GLI2: variants seen among roughly 807,000 people sequenced by gnomAD.
The protein encoded by GLI2 is transcription activator GLI2.
Under a neutral mutation model 78.9 loss-of-function variants are expected in GLI2, and 22 were observed. The ratio of observed to expected loss-of-function variants is 0.28; its 90% CI spans 0.20 to 0.40. The LOEUF (loss-of-function observed/expected upper bound fraction) is 0.40, where lower values mean the gene tolerates loss of function less well. GLI2 is among the 10% of genes least tolerant of loss of function. GLI2 has a pLI of 1.00. For missense variants in GLI2, 2,097 were observed against 2,213.2 expected (o/e 0.95, Z 1.05); for synonymous variants, 974 against 963.7 (o/e 1.01, Z -0.20).
chr2:120,916,868 C>T (rs540558231), intron 2 of GLI2, among the ~76,000 whole-genome samples: 2 of 152,318 alleles, frequency 1.3e-5, no homozygotes, highest in South Asian at 2.1e-4. Flanking sequence ...TGAACTACAT[C>T]GTATCCCTAG....
intron 1 of GLI2, among the ~76,000 whole-genome samples, chr2:120,794,880 C>G (rs1381255528): frequency 6.6e-6 from 1 of 152,092 alleles, no homozygotes; most frequent in Non-Finnish European, 1.5e-5. Flanking sequence ...TTTTTCTCTC[C>G]CCCATCTGCC....
chr2:120,814,098 A>G (rs1685385361), intron 2 of GLI2, among the ~76,000 whole-genome samples: 1 of 151,824 alleles, frequency 6.6e-6, no homozygotes, highest in Admixed American at 6.6e-5. Context: ...GCAGCTCTAA[A>G]CACCAATTGC....
rs143613799 is a variant in GLI2, at chr2:120,904,850, C to A, written c.149-22511C>A. Among the ~76,000 whole-genome samples the A allele has an allele frequency of 1.7e-3, 262 of 152,296 alleles. 3 individuals are homozygous for A. The highest frequency in any genetic ancestry group is 5.7e-3 in the African/African-American group (238 of 41,556). On this transcript the variant is annotated intron_variant, in intron 2 of 13. Transcript: ENST00000361492. Reference sequence around the variant, plus strand: ...TGGGGGTGGATGATGTCTCTCCCAACTCTATTGGCCCCTGTGCTTCGGCCT... The same window carrying A: ...TGGGGGTGGATGATGTCTCTCCCAAATCTATTGGCCCCTGTGCTTCGGCCT...
chr2:120,768,708 A>G (rs968881004), intron 1 of GLI2, among the ~76,000 whole-genome samples: 3 of 152,080 alleles, frequency 2.0e-5, no homozygotes, highest in Admixed American at 1.3e-4. Context: ...GCCTGGCTGG[A>G]TGAGCCCTGG....
At chr2:120,814,419 C>G (rs1369951350) in intron 2 of GLI2, among the ~76,000 whole-genome samples, 2 of 152,188 alleles carry the variant, frequency 1.3e-5, no homozygotes. Context: ...AAAATGGATA[C>G]TTCTAGGCAG....
chr2:120,923,969 T>C (rs1679534099), intron 2 of GLI2, among the ~76,000 whole-genome samples: 1 of 152,206 alleles, frequency 6.6e-6, no homozygotes, highest in Non-Finnish European at 1.5e-5. Context: ...CAATGTTCCA[T>C]AGACTTTATA....
At chr2:120,841,562 T>G (rs1416527374) in intron 2 of GLI2, among the ~76,000 whole-genome samples, 1 of 152,244 alleles carries the variant, frequency 6.6e-6, no homozygotes, top group Non-Finnish European at 1.5e-5. Flanking sequence ...GAGTGATGAC[T>G]TCTTGACTAT....
chr2:120,832,418 GCCTGGGGCTGAGGCCCA>G (rs1426149921), intron 2 of GLI2, among the ~76,000 whole-genome samples: 1 of 152,172 alleles, frequency 6.6e-6, no homozygotes, highest in Admixed American at 6.5e-5. Flanking sequence ...GGGCAGCAGG[GCCTGGGGCTGAGGCCCA>G]GGCTGTGTCC....
At position 120,990,990 on chromosome 2, in the gene GLI2, G is replaced by A. The variant is rs768497665; in HGVS notation, c.*315G>A. 16 of 330,830 alleles carry A rather than the reference G, an allele frequency of 4.8e-5. No homozygotes were observed. The highest frequency in any genetic ancestry group is 6.6e-5 in the Non-Finnish European group (12 of 180,794). The allele number at this position is 330,830 out of a possible 1,614,324, so 20.5% of individuals were successfully genotyped here. ...TCCGGCTTCTTCACGGCTGACATTC[G>A]GCTAACGAGGGATTACTTTGGCCAA... On this transcript the variant is annotated 3_prime_UTR_variant, in exon 14 of 14. Coordinates refer to ENST00000361492, the MANE Select transcript of GLI2 (RefSeq NM_001374353.1).
chr2:120,965,378 A>G lies in GLI2; in HGVS notation c.644-3336A>G, dbSNP rs1211444728. Among the ~76,000 whole-genome samples the G allele has an allele frequency of 1.3e-3, 156 of 123,548 alleles. No homozygotes were observed. The Middle Eastern group carries it at 0.023, about 18-fold the overall frequency. 81.1% of individuals were successfully genotyped at this position (123,548 alleles called of 152,430 possible). ...ACTCCAGCCGGGATGCAGATGCTGC[A>G]GCAGAGGGGCACACTCCAGCCAGGA... On this transcript the variant is annotated intron_variant, in intron 5 of 13. Coordinates refer to ENST00000361492, the MANE Select transcript of GLI2 (RefSeq NM_001374353.1).
intron 2 of GLI2, among the ~76,000 whole-genome samples, chr2:120,882,894 A>G (rs948875583): frequency 3.9e-5 from 6 of 152,172 alleles, no homozygotes; most frequent in African/African-American, 1.4e-4. Context: ...GTTAATTTTA[A>G]CAAATGTATA....
At chr2:120,882,317 A>G (rs1489792555) in intron 2 of GLI2, among the ~76,000 whole-genome samples, 1 of 152,176 alleles carries the variant, frequency 6.6e-6, no homozygotes, top group Non-Finnish European at 1.5e-5. Flanking sequence ...GAAGGAGTGA[A>G]GGTGGTGAAG....
chr2:120,746,730 C>T (rs1389258781), intron 1 of GLI2, among the ~76,000 whole-genome samples: 3 of 152,076 alleles, frequency 2.0e-5, no homozygotes, highest in African/African-American at 4.8e-5. Context: ...CTAAGACATG[C>T]CTTTTTACTG....
At chr2:120,819,532 A>C (rs1329789895) in intron 2 of GLI2, among the ~76,000 whole-genome samples, 1 of 151,962 alleles carries the variant, frequency 6.6e-6, no homozygotes, top group Non-Finnish European at 1.5e-5. Flanking sequence ...GAGTCACTGC[A>C]CCCCACCGGT....
Position 120,978,577 on chromosome 2 carries a change from G to A in GLI2, c.1461G>A (p.Lys487=), listed in dbSNP as rs1472153642. 1.2e-6 allele frequency: 2 copies of A among 1,613,624 alleles called. No homozygotes were observed. Among genetic ancestry groups the A allele is most frequent in the African/African-American group, 2.7e-5 (2 of 74,942 alleles). The part of the protein sequence containing the change: ...MRRHTGEKPH[K]CTFEGCSKAY... The stretch of plus-strand genomic sequence containing the variant: ...GACACACGGGCGAGAAGCCCCACAA[G>A]TGCACGGTGAGTGGCCTTCTCCCCA... The change falls in exon 10 of 14, where the codon AAG becomes AAA. Residue 487 remains lysine (K), a synonymous_variant. Transcript: ENST00000361492.
rs60632807 is a variant in GLI2, at chr2:120,789,546, C to T, written c.-30-7745C>T. ...CCTCTGACCTCCTCAGGTAGCCCGC[C>T]CTTGTGGAGCTCCCACAAGTAGAAA... On this transcript the variant is annotated intron_variant, in intron 1 of 13. Coordinates refer to ENST00000361492, the MANE Select transcript of GLI2 (RefSeq NM_001374353.1). 3.4e-3 allele frequency among the ~76,000 whole-genome samples: 513 copies of T among 152,298 alleles called. 2 individuals carry two copies. Among genetic ancestry groups the T allele is most frequent in the African/African-American group, 0.012 (486 of 41,560 alleles).
intron 2 of GLI2, among the ~76,000 whole-genome samples, chr2:120,832,881 C>T (rs1686432026): frequency 6.6e-6 from 1 of 152,128 alleles, no homozygotes; most frequent in Non-Finnish European, 1.5e-5. Context: ...AGGGGCTCTG[C>T]TGGTCTCTTT....
chr2:120,798,643 G>T (rs866083960), intron 2 of GLI2, among the ~76,000 whole-genome samples: 1 of 152,194 alleles, frequency 6.6e-6, no homozygotes, highest in Non-Finnish European at 1.5e-5. Flanking sequence ...TGAGCTGGAC[G>T]ATGCCTCTCC....
rs1423198282 is a variant in GLI2 at position 120,989,515 on chromosome 2, A to T, written c.3550A>T (p.Thr1184Ser). The change falls in exon 14 of 14, where the codon ACG (threonine) becomes TCG (serine). Residue 1184 changes from threonine to serine, a missense_variant. Thr to Ser is a moderately conservative substitution (Grantham distance 58, BLOSUM62 1). Transcript: ENST00000361492. ...GGCTAGCCCTGGGGGCCTGGACAGCACGCAGCCACACCTGCAGCCCCGCAG... is the reference window on the plus strand; with the variant it reads ...GGCTAGCCCTGGGGGCCTGGACAGCTCGCAGCCACACCTGCAGCCCCGCAG... The part of the protein sequence containing the change: ...LQASPGGLDS[T>S]QPHLQPRSGA... 6.2e-7 allele frequency: 1 copy of T among 1,612,028 alleles called. No homozygotes were observed.
Sources: gnomAD v4.1 joint callset for allele counts (sites outside exome capture counted in the v4.1 genomes callset) on GRCh38, gnomAD v4.1.1 for gene constraint, MANE v1.5 for transcripts, NCBI Gene and HGNC (gene_info 2026-07-23, HGNC 2026-07-21) for gene names.